Variants in TFDP2 observed in about 807,000 individuals in gnomAD.
TFDP2 encodes transcription factor Dp-2.
A neutral mutation model predicts 59.3 loss-of-function variants in TFDP2; 17 were observed. The ratio of observed to expected loss-of-function variants is 0.29; its 90% CI spans 0.20 to 0.43. The LOEUF is 0.43. TFDP2 is among the 20% of genes least tolerant of loss of function. The pLI, the probability that TFDP2 is intolerant of heterozygous loss-of-function variation, is 1.00. For synonymous variants in TFDP2, 180 were observed against 194.7 expected, an observed-to-expected ratio of 0.92 and a Z score of 0.63; for missense variants, 391 against 528.8, an observed-to-expected ratio of 0.74 and a Z score of 2.56.
intron 5 of TFDP2, among the ~76,000 whole-genome samples, chr3:141,993,823 G>A (rs1206273798): frequency 6.6e-6 from 1 of 152,172 alleles, no homozygotes; most frequent in Non-Finnish European, 1.5e-5. Flanking sequence ...GGAAAACACT[G>A]CAGACTTGCA....
At chr3:142,118,857 A>G (rs910749897) in intron 1 of TFDP2, among the ~76,000 whole-genome samples, 1 of 152,208 alleles carries the variant, frequency 6.6e-6, no homozygotes, top group Non-Finnish European at 1.5e-5. Context: ...ATGGAACAGA[A>G]CTAATATTAA....
In TFDP2 at chr3:142,052,552, A is replaced by G. The variant is rs189947063; in HGVS notation, c.82+40509T>C. 7.0e-3 allele frequency among the ~76,000 whole-genome samples: 1,064 copies of G among 152,164 alleles called. 5 individuals are homozygous for G. The highest frequency in any genetic ancestry group is 9.0e-3 in the Non-Finnish European group (611 of 67,994). On this transcript the variant is annotated intron_variant, in intron 3 of 12. Transcript: ENST00000489671. ...CGAGACTCTGTCTCAAAGAAAAAAA[A>G]AAAGAAAACCTTAGTATTATTGGCT...
chr3:142,036,709 A>G (rs1946709415), intron 3 of TFDP2, among the ~76,000 whole-genome samples: 1 of 152,236 alleles, frequency 6.6e-6, no homozygotes, highest in African/African-American at 2.4e-5. Flanking sequence ...CCCTGAATAC[A>G]AAAGATATTC....
intron 1 of TFDP2, among the ~76,000 whole-genome samples, chr3:142,110,650 T>C (rs1185349989): frequency 6.6e-6 from 1 of 152,020 alleles, no homozygotes; most frequent in Non-Finnish European, 1.5e-5. Context: ...AAACACTAAG[T>C]ATTAAAAATA....
chr3:141,958,972 G>A (rs1464318982), intron 11 of TFDP2, among the ~76,000 whole-genome samples: 1 of 34,032 alleles, frequency 2.9e-5, no homozygotes, highest in Non-Finnish European at 5.5e-5. Flanking sequence ...TTTTTTTTTT[G>A]AGACAGAGTT....
At chr3:142,080,033 G>C (rs534000967) in intron 3 of TFDP2, among the ~76,000 whole-genome samples, 1 of 152,170 alleles carries the variant, frequency 6.6e-6, no homozygotes, top group South Asian at 2.1e-4. Context: ...GCACGATCTC[G>C]GCTCACTGCA....
Position 141,968,422 on chromosome 3 carries a change from TCTC to T in TFDP2, c.732+1648_732+1650del, listed in dbSNP as rs1559937297. On this transcript the variant is annotated intron_variant, in intron 9 of 12. Coordinates refer to ENST00000489671, the MANE Select transcript of TFDP2 (RefSeq NM_001178139.2). ...ATATATCATATATATAACATATATA[TCTC>T]ATATATAGATATATATAACATATAT... Among the ~76,000 whole-genome samples, 9 of 106,768 alleles carry T rather than the reference TCTC, an allele frequency of 8.4e-5. 1 individual carries two copies. Among genetic ancestry groups the T allele is most frequent in the African/African-American group, 3.4e-4 (9 of 26,528 alleles). 70.0% of individuals were successfully genotyped at this position (106,768 alleles called of 152,430 possible).
At chr3:142,081,718 G>A (rs1560123691) in intron 3 of TFDP2, among the ~76,000 whole-genome samples, 3 of 152,204 alleles carry the variant, frequency 2.0e-5, no homozygotes, top group East Asian at 1.9e-4. Context: ...CCAATAAATT[G>A]GAAAACCTAG....
chr3:142,127,217 A>G (rs1414782959), intron 1 of TFDP2, among the ~76,000 whole-genome samples: 1 of 147,898 alleles, frequency 6.8e-6, no homozygotes, highest in African/African-American at 2.5e-5. Flanking sequence ...ATATTAACAT[A>G]TTATAGATAT....
chr3:141,995,566 T>C (rs1263318358), intron 4 of TFDP2, among the ~76,000 whole-genome samples: 3 of 152,156 alleles, frequency 2.0e-5, no homozygotes, highest in African/African-American at 4.8e-5. Flanking sequence ...TGGATTATTA[T>C]ATAGATGCAA....
At chr3:142,056,725 A>G (rs1338964927) in intron 3 of TFDP2, among the ~76,000 whole-genome samples, 1 of 152,200 alleles carries the variant, frequency 6.6e-6, no homozygotes, top group Admixed American at 6.5e-5. Flanking sequence ...GGAGACAACC[A>G]TGTGACAAGG....
chr3:142,028,520 T>C, intron 3 of TFDP2: 1 of 970,282 alleles, frequency 1.0e-6, no homozygotes, highest in Non-Finnish European at 1.2e-6. Flanking sequence ...GCTTAAAGAA[T>C]ATAAAATAAG....
chr3:142,149,397 A>C lies in TFDP2; in HGVS notation c.-307T>G. 2.6e-6 allele frequency: 1 copy of C among 381,362 alleles called. No individual in the cohort carries two copies. 23.6% of individuals were successfully genotyped at this position (381,362 alleles called of 1,614,324 possible). A position where few individuals can be genotyped will look rare whatever the true frequency, so the allele number is the denominator to read the frequency against. ...TGCGCGCGCCCTCGAGCCTGCCCAA[A>C]GATGAAGGGTCAGGGCGCGCCCCGC... is the stretch of plus-strand genomic sequence containing the variant. On this transcript the variant is annotated 5_prime_UTR_variant, in exon 1 of 13. Transcript: ENST00000489671.
chr3:142,015,729 G>T (rs945607385), intron 3 of TFDP2, among the ~76,000 whole-genome samples: 1 of 152,032 alleles, frequency 6.6e-6, no homozygotes, highest in African/African-American at 2.4e-5. Context: ...GACACAGGTG[G>T]CTACTGAGCA....
chr3:142,061,841 C>T (rs1173510881), intron 3 of TFDP2, among the ~76,000 whole-genome samples: 1 of 149,552 alleles, frequency 6.7e-6, no homozygotes, highest in East Asian at 2.0e-4. Context: ...ACCTACATAA[C>T]TGTATGAGCC....
intron 11 of TFDP2, among the ~76,000 whole-genome samples, chr3:141,953,319 C>CT (rs1936149049): frequency 6.6e-6 from 1 of 152,170 alleles, no homozygotes; most frequent in Admixed American, 6.5e-5. Flanking sequence ...CAGAGCACAG[C>CT]CCATGGGATA....
chr3:142,147,308 C>A (rs950806745), intron 1 of TFDP2, among the ~76,000 whole-genome samples: 2 of 152,122 alleles, frequency 1.3e-5, no homozygotes, highest in Non-Finnish European at 2.9e-5. Flanking sequence ...ATTTAAAATT[C>A]TATGATCTAA....
chr3:142,091,825 C>T (rs1055876357), intron 3 of TFDP2, among the ~76,000 whole-genome samples: 2 of 152,098 alleles, frequency 1.3e-5, no homozygotes, highest in Admixed American at 6.6e-5. Flanking sequence ...CAATAGGGTT[C>T]GCCCTCCTAT....
intron 3 of TFDP2, among the ~76,000 whole-genome samples, chr3:142,057,548 G>T (rs1435644545): frequency 6.6e-6 from 1 of 152,162 alleles, no homozygotes; most frequent in Admixed American, 6.5e-5. Context: ...GTGCAACTGG[G>T]AAGCTATGAA....
Sources: allele counts gnomAD v4.1 joint callset (sites outside exome capture counted in the v4.1 genomes callset), GRCh38; gene constraint gnomAD v4.1.1; transcripts MANE v1.5; gene names NCBI Gene and HGNC (gene_info 2026-07-23, HGNC 2026-07-21).